The following GALNT13 variants were observed in gnomAD, a reference collection of about 807,000 sequenced individuals.
The protein encoded by GALNT13 is UDP-GalNAc:polypeptide N-acetylgalactosaminyltransferase 13.
In GALNT13, 28 loss-of-function variants were observed where a neutral mutation model predicts 64.2. The ratio of observed to expected loss-of-function variants is 0.44; its 90% CI spans 0.32 to 0.60. The LOEUF (loss-of-function observed/expected upper bound fraction) is 0.60, where lower values mean the gene tolerates loss of function less well. Among genes scored for constraint, GALNT13 ranks in the 20% least tolerant of loss-of-function variants. The pLI is 0.05. For synonymous variants in GALNT13, 214 were observed against 224.6 expected (o/e 0.95, Z 0.42); for missense variants, 577 against 669.8 (o/e 0.86, Z 1.53).
At chr2:154,252,743 ATAGATAG>A (rs1690146780) in intron 7 of GALNT13, among the ~76,000 whole-genome samples, 1 of 148,898 alleles carries the variant, frequency 6.7e-6, no homozygotes, top group Non-Finnish European at 1.5e-5. Context: ...AGATAGATAG[ATAGATAG>A]ATAGATAGAT....
the GALNT13 span, among the ~76,000 whole-genome samples, chr2:153,539,444 G>A: frequency 6.6e-6 from 1 of 151,978 alleles, no homozygotes; most frequent in South Asian, 2.1e-4. Flanking sequence ...TGCTTTTGGT[G>A]TTTTAGACAT....
In GALNT13 at chr2:154,242,709, T is replaced by G. The variant is rs1173528879; in HGVS notation, c.490T>G (p.Leu164Val). 1.2e-6 allele frequency: 2 copies of G among 1,609,286 alleles called. No homozygotes were observed. Among genetic ancestry groups the G allele is most frequent in the Admixed American group, 3.3e-5 (2 of 60,000 alleles). ...TATACATGTTACAGATTTTCTCAAG[T>G]TGACATTAGAGAATTACGTGAAAAA... ...DDASERDFLK[L>V]TLENYVKNLE... Residue 164 changes from leucine (L) to valine (V), a missense_variant, in exon 6 of 13, where the codon TTG becomes GTG. Physicochemically the swap from Leu to Val is conservative, Grantham distance 32 (BLOSUM62 1). Coordinates refer to ENST00000392825, the MANE Select transcript of GALNT13 (RefSeq NM_052917.4).
intron 3 of GALNT13, among the ~76,000 whole-genome samples, chr2:153,984,624 A>G (rs1351781166): frequency 2.0e-5 from 3 of 151,750 alleles, no homozygotes; most frequent in Non-Finnish European, 2.9e-5. Context: ...AATCATATTC[A>G]CCAATTTTAA....
At chr2:153,979,422 T>C (rs1694301715) in intron 3 of GALNT13, among the ~76,000 whole-genome samples, 1 of 152,142 alleles carries the variant, frequency 6.6e-6, no homozygotes, top group Admixed American at 6.6e-5. Context: ...TATCCAGGAA[T>C]GAATTAAAAA....
chr2:153,363,164 CAAG>C, the GALNT13 span, among the ~76,000 whole-genome samples: 1 of 151,824 alleles, frequency 6.6e-6, no homozygotes, highest in African/African-American at 2.4e-5. Context: ...AGGCGGAAAT[CAAG>C]AAGTTCTTTG....
At chr2:153,689,363 A>G in the GALNT13 span, among the ~76,000 whole-genome samples, 1 of 151,972 alleles carries the variant, frequency 6.6e-6, no homozygotes, top group Non-Finnish European at 1.5e-5. Context: ...TTTACATATT[A>G]TCTATATGTT....
intron 11 of GALNT13, among the ~76,000 whole-genome samples, chr2:154,415,136 G>GA (rs140405678): frequency 0.27 from 36,565 of 134,588 alleles, 5,182 homozygotes; most frequent in Non-Finnish European, 0.36. Context: ...CCCATCTCTA[G>GA]AAAAAAAAAA....
At chr2:153,376,513 A>C in the GALNT13 span, among the ~76,000 whole-genome samples, 2 of 152,164 alleles carry the variant, frequency 1.3e-5, no homozygotes, top group South Asian at 4.1e-4. Flanking sequence ...GATTGTTGTA[A>C]TAATATGGGA....
At chr2:154,202,454 GT>G (rs1368605118) in intron 4 of GALNT13, among the ~76,000 whole-genome samples, 5 of 152,052 alleles carry the variant, frequency 3.3e-5, no homozygotes, top group Admixed American at 6.6e-5. Flanking sequence ...ATATTCTTAA[GT>G]GGACACTTTA....
the GALNT13 span, among the ~76,000 whole-genome samples, chr2:153,440,417 G>T: frequency 6.6e-6 from 1 of 152,170 alleles, no homozygotes; most frequent in African/African-American, 2.4e-5. Flanking sequence ...ACATATGTGT[G>T]CATGTGTCTT....
the GALNT13 span, among the ~76,000 whole-genome samples, chr2:153,503,536 G>A: frequency 1.3e-5 from 2 of 152,082 alleles, no homozygotes; most frequent in African/African-American, 2.4e-5. Flanking sequence ...TGCCTCCTGG[G>A]TTCAAGCTAT....
At chr2:153,070,671 T>C in the GALNT13 span, among the ~76,000 whole-genome samples, 4 of 152,290 alleles carry the variant, frequency 2.6e-5, no homozygotes, top group South Asian at 8.3e-4. Context: ...AAAACTAGTG[T>C]TCCTTGTGCC....
intron 4 of GALNT13, among the ~76,000 whole-genome samples, chr2:154,153,709 C>T (rs1684215132): frequency 6.6e-6 from 1 of 152,208 alleles, no homozygotes; most frequent in South Asian, 2.1e-4. Flanking sequence ...ATCAGCGAGA[C>T]TCCATGGGCA....
At chr2:153,837,644 C>A in the GALNT13 span, among the ~76,000 whole-genome samples, 1 of 151,972 alleles carries the variant, frequency 6.6e-6, no homozygotes, top group African/African-American at 2.4e-5. Flanking sequence ...AGATAGACAT[C>A]ACATTTTCTT....
At chr2:154,049,533 G>T (rs1451359990) in intron 3 of GALNT13, among the ~76,000 whole-genome samples, 1 of 139,472 alleles carries the variant, frequency 7.2e-6, no homozygotes, top group African/African-American at 2.5e-5. Flanking sequence ...ATATATATAT[G>T]TATCACTACA....
At chr2:154,063,391 T>C (rs1700296105) in intron 3 of GALNT13, among the ~76,000 whole-genome samples, 2 of 152,188 alleles carry the variant, frequency 1.3e-5, no homozygotes, top group Admixed American at 1.3e-4. Context: ...TTTCATGACA[T>C]CTCTTATGCC....
At chr2:154,205,488 A>T (rs891448143) in intron 4 of GALNT13, among the ~76,000 whole-genome samples, 2 of 152,228 alleles carry the variant, frequency 1.3e-5, no homozygotes, top group African/African-American at 4.8e-5. Flanking sequence ...TGAATTATAT[A>T]TTGAAATGTT....
At chr2:154,264,123 T>A (rs1690850294) in intron 8 of GALNT13, among the ~76,000 whole-genome samples, 1 of 151,860 alleles carries the variant, frequency 6.6e-6, no homozygotes, top group Non-Finnish European at 1.5e-5. Context: ...TATACAGAGG[T>A]TTCTGTGGGA....
At chr2:153,542,366 A>T in the GALNT13 span, among the ~76,000 whole-genome samples, 1 of 138,014 alleles carries the variant, frequency 7.2e-6, no homozygotes, top group Non-Finnish European at 1.5e-5. Flanking sequence ...ACACAAAAAA[A>T]AAACCGGAAG....
Sources: gnomAD v4.1 joint callset for allele counts (sites outside exome capture counted in the v4.1 genomes callset) on GRCh38, gnomAD v4.1.1 for gene constraint, MANE v1.5 for transcripts, NCBI Gene and HGNC (gene_info 2026-07-23, HGNC 2026-07-21) for gene names.